The following KCNMA1 variants were observed in gnomAD, a reference collection of about 807,000 sequenced individuals.
KCNMA1 encodes the protein Calcium-activated potassium channel subunit alpha-1.
A neutral mutation model predicts 140.0 loss-of-function variants in KCNMA1; 29 were observed. That is an observed-to-expected ratio of 0.21 (90% confidence interval 0.15 to 0.28). KCNMA1 has a LOEUF of 0.28. Ranked by LOEUF, KCNMA1 falls within the 10% of genes least tolerant of loss-of-function variation. The pLI, the probability that KCNMA1 is intolerant of heterozygous loss-of-function variation, is 1.00. For synonymous variants in KCNMA1, 612 were observed against 611.9 expected (o/e 1.00, Z 0.00); for missense variants, 880 against 1,602.2 (o/e 0.55, Z 7.70).
chr10:77,135,782 C>T (rs763796275), intron 5 of KCNMA1, among the ~76,000 whole-genome samples: 41 of 152,184 alleles, frequency 2.7e-4, no homozygotes, highest in Middle Eastern at 6.8e-3. Flanking sequence ...AACAGCTGAT[C>T]TCATAGAAAG....
chr10:77,000,408 A>G (rs917464305), intron 19 of KCNMA1, among the ~76,000 whole-genome samples: 2 of 152,198 alleles, frequency 1.3e-5, no homozygotes, highest in African/African-American at 4.8e-5. Context: ...TCACTTATGA[A>G]CCGTATCAGG....
intron 23 of KCNMA1, among the ~76,000 whole-genome samples, chr10:76,935,304 T>A (rs1170971572): frequency 6.6e-6 from 1 of 152,212 alleles, no homozygotes; most frequent in East Asian, 1.9e-4. Flanking sequence ...TCCCCTTGAG[T>A]GTTTGTCCTG....
intron 23 of KCNMA1, among the ~76,000 whole-genome samples, chr10:76,936,338 C>G (rs934197780): frequency 1.3e-5 from 2 of 152,164 alleles, no homozygotes; most frequent in African/African-American, 4.8e-5. Flanking sequence ...AAATCACAAA[C>G]CAATAAAAGA....
intron 23 of KCNMA1, among the ~76,000 whole-genome samples, chr10:76,935,779 C>T (rs1042407977): frequency 2.6e-5 from 4 of 152,206 alleles, no homozygotes; most frequent in Non-Finnish European, 4.4e-5. Context: ...CCCTTCACGA[C>T]AGTTGTCACA....
intron 1 of KCNMA1, among the ~76,000 whole-genome samples, chr10:77,479,855 C>T (rs1488343206): frequency 2.6e-5 from 4 of 152,174 alleles, no homozygotes; most frequent in Non-Finnish European, 4.4e-5. Flanking sequence ...CTTTCACGTG[C>T]GTCTGTCTCT....
At chr10:77,069,886 G>T (rs1225902085) in intron 14 of KCNMA1, among the ~76,000 whole-genome samples, 1 of 152,044 alleles carries the variant, frequency 6.6e-6, no homozygotes, top group Non-Finnish European at 1.5e-5. Flanking sequence ...CATGATCTTG[G>T]CTCACTGCGA....
At chr10:76,946,925 G>A (rs1787398635) in intron 22 of KCNMA1, among the ~76,000 whole-genome samples, 1 of 152,212 alleles carries the variant, frequency 6.6e-6, no homozygotes, top group African/African-American at 2.4e-5. Flanking sequence ...CATAGGTGAA[G>A]GCCCATTTTG....
At chr10:77,189,942 A>G (rs1348549707) in intron 3 of KCNMA1, among the ~76,000 whole-genome samples, 5 of 152,196 alleles carry the variant, frequency 3.3e-5, no homozygotes, top group Admixed American at 6.6e-5. Context: ...AAGCCTGGCT[A>G]GGAAGAATTT....
At chr10:77,079,660 G>C in intron 12 of KCNMA1, 110 bp from the exon 13 acceptor site, 1 of 773,428 alleles carries the variant, frequency 1.3e-6, no homozygotes, top group South Asian at 1.4e-5. Flanking sequence ...TGAGGTAGGA[G>C]GCAGGACTTG....
rs372584379 is a variant in KCNMA1 at position 77,379,936 on chromosome 10, C to T, written c.540+23926G>A. 5.3e-5 allele frequency among the ~76,000 whole-genome samples: 8 copies of T among 152,276 alleles called. No individual in the cohort carries two copies. In the East Asian group the frequency reaches 7.7e-4, roughly 15 times the overall value. ...TCAGTTTCCTCCCCTATGGGCTCCA[C>T]TGAATGGGGATGAATGCGGTACCTA... On this transcript the variant is annotated intron_variant, in intron 2 of 27. Transcript: ENST00000286628.
chr10:77,032,733 C>CTT (rs570751961), intron 15 of KCNMA1, among the ~76,000 whole-genome samples: 7 of 148,230 alleles, frequency 4.7e-5, no homozygotes, highest in Admixed American at 1.3e-4. Flanking sequence ...GCCCAACCCC[C>CTT]CTTTTTTTTT....
In KCNMA1 at chr10:77,054,324, G is replaced by A. The variant is rs112692839; in HGVS notation, c.1750-14687C>T. Among the ~76,000 whole-genome samples, 190 of 152,226 alleles carry A rather than the reference G, an allele frequency of 1.2e-3. 1 individual carries two copies. Among genetic ancestry groups the A allele is most frequent in the African/African-American group, 4.3e-3 (180 of 41,512 alleles). On this transcript the variant is annotated intron_variant, in intron 14 of 27. Coordinates refer to ENST00000286628, the MANE Select transcript of KCNMA1 (RefSeq NM_001161352.2). ...CAAGAAATCAACAGAAGCTTCTTAA[G>A]AAACTATACCTATTTGTCCCAGTCT... is the stretch of plus-strand genomic sequence containing the variant.
chr10:77,608,180 T>TC (rs1416153279), intron 1 of KCNMA1, among the ~76,000 whole-genome samples: 1 of 151,848 alleles, frequency 6.6e-6, no homozygotes, highest in Non-Finnish European at 1.5e-5. Context: ...AGATCTCATT[T>TC]CTTTTTTTTG....
intron 14 of KCNMA1, among the ~76,000 whole-genome samples, chr10:77,056,983 A>T (rs1397613515): frequency 2.0e-5 from 3 of 152,196 alleles, no homozygotes; most frequent in Non-Finnish European, 2.9e-5. Context: ...GGAAAGCAGA[A>T]ATAATATGGT....
chr10:77,489,527 C>T (rs183432619), intron 1 of KCNMA1, among the ~76,000 whole-genome samples: 1 of 152,200 alleles, frequency 6.6e-6, no homozygotes, highest in Admixed American at 6.5e-5. Flanking sequence ...TTAGTAGAGA[C>T]AGGGTTTCAC....
At chr10:77,621,653 G>T (rs1006008403) in intron 1 of KCNMA1, among the ~76,000 whole-genome samples, 14 of 152,130 alleles carry the variant, frequency 9.2e-5, no homozygotes, top group African/African-American at 2.9e-4. Flanking sequence ...TTTCTGCTGG[G>T]CACAGTGGCT....
intron 23 of KCNMA1, among the ~76,000 whole-genome samples, chr10:76,937,194 C>T (rs951403806): frequency 6.6e-6 from 1 of 152,164 alleles, no homozygotes; most frequent in African/African-American, 2.4e-5. Context: ...GGGCTAAAAT[C>T]CTGTTCTCCT....
chr10:77,492,015 T>G (rs563510745), intron 1 of KCNMA1, among the ~76,000 whole-genome samples: 1 of 152,244 alleles, frequency 6.6e-6, no homozygotes, highest in African/African-American at 2.4e-5. Flanking sequence ...TTGTACGCCC[T>G]GCCGGTCCCG....
intron 1 of KCNMA1, among the ~76,000 whole-genome samples, chr10:77,465,759 C>T (rs1005325599): frequency 6.6e-6 from 1 of 152,176 alleles, no homozygotes; most frequent in South Asian, 2.1e-4. Flanking sequence ...TTATACATTA[C>T]ATTAAGAGGG....
Sources: gnomAD v4.1 joint callset for allele counts (sites outside exome capture counted in the v4.1 genomes callset) on GRCh38, gnomAD v4.1.1 for gene constraint, MANE v1.5 for transcripts, NCBI Gene and HGNC (gene_info 2026-07-23, HGNC 2026-07-21) for gene names.